NRG1: variants seen among roughly 807,000 people sequenced by gnomAD.
NRG1 encodes the protein neuregulin 1.
In NRG1, 18 loss-of-function variants were observed where a neutral mutation model predicts 63.8. That is an observed-to-expected ratio of 0.28 (90% CI 0.19 to 0.42). The LOEUF (loss-of-function observed/expected upper bound fraction) is 0.42, where lower values mean the gene tolerates loss of function less well. Ranked by LOEUF, NRG1 falls within the 10% of genes least tolerant of loss-of-function variation. The pLI, the probability that NRG1 is intolerant of heterozygous loss-of-function variation, is 1.00. For missense variants in NRG1, 762 were observed against 814.7 expected, an observed-to-expected ratio of 0.94 and a Z score of 0.79; for synonymous variants, 302 against 301.3, an observed-to-expected ratio of 1.00 and a Z score of -0.02.
intron 3 of NRG1, among the ~76,000 whole-genome samples, chr8:32,606,672 T>C (rs1426734562): frequency 6.6e-6 from 1 of 152,162 alleles, no homozygotes; most frequent in African/African-American, 2.4e-5. Context: ...TTTATTTATT[T>C]ATTGAATTAT....
At chr8:31,734,467 T>G (rs1814446247) in intron 1 of NRG1, among the ~76,000 whole-genome samples, 1 of 152,220 alleles carries the variant, frequency 6.6e-6, no homozygotes, top group Admixed American at 6.5e-5. Flanking sequence ...ATGGCCCACA[T>G]ATAGAAAATA....
chr8:32,277,071 G>T (rs1852185572), intron 1 of NRG1, among the ~76,000 whole-genome samples: 1 of 152,126 alleles, frequency 6.6e-6, no homozygotes, highest in South Asian at 2.1e-4. Context: ...CCTCATTCCT[G>T]AATTTAATTT....
intron 5 of NRG1, chr8:32,647,779 C>T (rs1444212503): frequency 6.2e-7 from 1 of 1,611,990 alleles, no homozygotes; most frequent in South Asian, 1.1e-5. Flanking sequence ...AGCCCCTCCA[C>T]TCAGCTGAGT....
intron 6 of NRG1, among the ~76,000 whole-genome samples, chr8:32,732,856 G>A (rs1028684163): frequency 7.7e-6 from 1 of 130,386 alleles, no homozygotes; most frequent in Non-Finnish European, 1.5e-5. Flanking sequence ...TGCCCAGGCT[G>A]GAGTGCAATG....
chr8:32,543,504 C>G (rs1832773357), upstream of NRG1, among the ~76,000 whole-genome samples: 2 of 151,842 alleles, frequency 1.3e-5, no homozygotes, highest in African/African-American at 4.8e-5. Flanking sequence ...ATATATCTGC[C>G]TTATTACAGA....
chr8:31,996,622 G>A (rs1812012491), intron 1 of NRG1, among the ~76,000 whole-genome samples: 1 of 151,866 alleles, frequency 6.6e-6, no homozygotes, highest in South Asian at 2.1e-4. Context: ...GCCCATGCCT[G>A]TGGCCTCAGC....
chr8:32,585,392 C>T (rs1841414968), intron 1 of NRG1, among the ~76,000 whole-genome samples: 1 of 152,140 alleles, frequency 6.6e-6, no homozygotes, highest in Non-Finnish European at 1.5e-5. Context: ...TTAGGGGCAG[C>T]TGTGGTGACA....
chr8:31,918,078 C>A lies in NRG1; in HGVS notation c.37+278647C>A, dbSNP rs531431488. 3.0e-3 allele frequency among the ~76,000 whole-genome samples: 451 copies of A among 152,238 alleles called. 2 individuals are homozygous for A. Among genetic ancestry groups the A allele is most frequent in the Middle Eastern group, 6.8e-3 (2 of 294 alleles). On this transcript the variant is annotated intron_variant, in intron 1 of 10. Coordinates refer to the NRG1 transcript ENST00000519301. ...GTATCCTGAGACTTTGCTGAAGTTG[C>A]TTATCAGCTTAAGGAGATTTTGGGC...
At chr8:31,756,019 C>A (rs1222133769) in intron 1 of NRG1, among the ~76,000 whole-genome samples, 2 of 152,072 alleles carry the variant, frequency 1.3e-5, no homozygotes, top group Admixed American at 6.6e-5. Context: ...TTTCTACATA[C>A]CCCTCTGTTT....
intron 5 of NRG1, among the ~76,000 whole-genome samples, chr8:32,696,210 C>T (rs1198575143): frequency 3.9e-5 from 6 of 152,148 alleles, no homozygotes; most frequent in Admixed American, 2.6e-4. Flanking sequence ...AAAAAGACTA[C>T]TCATGTCTTA....
At chr8:32,772,894 G>A (rs1032277891), downstream of NRG1, among the ~76,000 whole-genome samples, 1 of 152,070 alleles carries the variant, frequency 6.6e-6, no homozygotes, top group East Asian at 1.9e-4. Context: ...TTCCAACAAC[G>A]AGATGATTCT....
intron 1 of NRG1, among the ~76,000 whole-genome samples, chr8:31,804,787 T>C (rs945873687): frequency 2.0e-5 from 3 of 152,238 alleles, no homozygotes; most frequent in African/African-American, 4.8e-5. Flanking sequence ...TGTGGTCAAC[T>C]GATTATAGAT....
At chr8:32,274,379 C>T (rs114375880) in intron 1 of NRG1, among the ~76,000 whole-genome samples, 165 of 152,214 alleles carry the variant, frequency 1.1e-3, no homozygotes, top group African/African-American at 3.8e-3. Context: ...AGGGTAAGTA[C>T]GGGATAGGTG....
chr8:32,458,851 T>C (rs146321737), intron 1 of NRG1, among the ~76,000 whole-genome samples: 1 of 152,182 alleles, frequency 6.6e-6, no homozygotes, highest in Non-Finnish European at 1.5e-5. Context: ...CCAGATCTTA[T>C]AGTAGGCAAA....
chr8:31,761,849 A>G (rs1817593596), intron 1 of NRG1, among the ~76,000 whole-genome samples: 2 of 152,324 alleles, frequency 1.3e-5, no homozygotes, highest in South Asian at 4.1e-4. Flanking sequence ...AATGATGCTG[A>G]TAGACTTGCT....
intron 8 of NRG1, among the ~76,000 whole-genome samples, chr8:32,755,121 T>C (rs780183655): frequency 6.6e-6 from 1 of 152,096 alleles, no homozygotes. Context: ...GGGAGGAAAA[T>C]GAAGCAAAAC....
chr8:32,738,071 C>T (rs574430852), intron 6 of NRG1, among the ~76,000 whole-genome samples: 15 of 152,180 alleles, frequency 9.9e-5, no homozygotes, highest in African/African-American at 2.6e-4. Flanking sequence ...TATTATGAGC[C>T]AGGCATTGTG....
chr8:31,739,271 A>G (rs1164085809), intron 1 of NRG1, among the ~76,000 whole-genome samples: 1 of 152,036 alleles, frequency 6.6e-6, no homozygotes, highest in East Asian at 1.9e-4. Flanking sequence ...CCTTTTCATC[A>G]TGCTTGGTAC....
intron 1 of NRG1, among the ~76,000 whole-genome samples, chr8:31,829,505 T>G (rs1824901687): frequency 6.6e-6 from 1 of 152,216 alleles, no homozygotes; most frequent in Admixed American, 6.5e-5. Flanking sequence ...GGGTAAAATT[T>G]TGAATGTTTA....
Sources: allele counts gnomAD v4.1 joint callset (sites outside exome capture counted in the v4.1 genomes callset), GRCh38; gene constraint gnomAD v4.1.1; transcripts MANE v1.5; gene names NCBI Gene and HGNC (gene_info 2026-07-23, HGNC 2026-07-21).